Variants in ABCA9 observed in about 807,000 individuals in gnomAD.
ABCA9 encodes the protein ATP binding cassette subfamily A member 9, also known as ATP-binding cassette sub-family A member 9.
ABCA9 carries 183 observed loss-of-function variants against 205.3 expected under a neutral mutation model. That is an observed-to-expected ratio of 0.89 (90% confidence interval 0.79 to 1.01). ABCA9 has a LOEUF of 1.01. Among genes scored for constraint, ABCA9 ranks in the 50% least tolerant of loss-of-function variants. ABCA9 has a pLI of 0.00. For synonymous variants in ABCA9, 651 were observed against 683.3 expected (o/e 0.95, Z 0.74); for missense variants, 1,805 against 1,912.4 (o/e 0.94, Z 1.05).
chr17:68,984,095 A>G lies in ABCA9; in HGVS notation c.4460T>C (p.Val1487Ala), dbSNP rs1598329797. 6.2e-7 allele frequency: 1 copy of G among 1,614,026 alleles called. No individual in the cohort carries two copies. The highest frequency in any genetic ancestry group is 8.5e-7 in the Non-Finnish European group (1 of 1,180,000). ...TTHYMAEAEA[V>A]CDRVAIMVSG... ...CACCATGATGGCCACTCGGTCACAC[A>G]CCGCCTCAGCCTCTGCCATGTAGTG... The change falls in exon 35 of 39, where the codon GTG becomes GCG. Residue 1487 changes from valine to alanine, a missense_variant. By Grantham distance (64) the Val-to-Ala change is moderately conservative. Coordinates refer to ENST00000340001, the MANE Select transcript of ABCA9 (RefSeq NM_080283.4).
At chr17:69,034,227 T>C (rs1422391048) in intron 8 of ABCA9, among the ~76,000 whole-genome samples, 1 of 152,104 alleles carries the variant, frequency 6.6e-6, no homozygotes, top group Non-Finnish European at 1.5e-5. Flanking sequence ...TTTTGTTTAT[T>C]TGTTTGTTTT....
intron 37 of ABCA9, among the ~76,000 whole-genome samples, chr17:68,976,770 A>G (rs1567906804): frequency 1.3e-5 from 2 of 152,210 alleles, no homozygotes. Flanking sequence ...CGTCTCAGGT[A>G]GTTACACTGT....
At chr17:68,989,720 A>G in intron 30 of ABCA9, 93 bp downstream of exon 30, 1 of 782,900 alleles carries the variant, frequency 1.3e-6, no homozygotes, top group Non-Finnish European at 2.1e-6. Context: ...TGCGTTTGTC[A>G]ATAGATGTCC....
rs1337989418 is a variant in ABCA9, at chr17:68,992,222, T to C, written c.3669A>G (p.Leu1223=). Reference sequence around the variant, plus strand: ...TTAGTTTCTTCCTGCAGTTCATTTCTAGGCATCGCAGAATGAAAAGAAAAA... The same window carrying C: ...TTAGTTTCTTCCTGCAGTTCATTTCCAGGCATCGCAGAATGAAAAGAAAAA... The part of the protein sequence containing the change: ...FLIFLFILRC[L]EMNCRKKLMR... The change falls in exon 28 of 39, where the codon CTA becomes CTG. Residue 1223 remains leucine, a synonymous_variant. Coordinates refer to ENST00000340001, the MANE Select transcript of ABCA9 (RefSeq NM_080283.4). The C allele has an allele frequency of 6.2e-6, 10 of 1,602,054 alleles. No individual in the cohort carries two copies. The highest frequency in any genetic ancestry group is 1.3e-5 in the African/African-American group (1 of 74,696).
chr17:69,049,023 C>T (rs2071811968), intron 3 of ABCA9, among the ~76,000 whole-genome samples: 1 of 152,156 alleles, frequency 6.6e-6, no homozygotes, highest in African/African-American at 2.4e-5. Flanking sequence ...AATCTTTTCA[C>T]AAACATACAT....
At chr17:69,068,543 A>T in the ABCA9 span, among the ~76,000 whole-genome samples, 1 of 152,204 alleles carries the variant, frequency 6.6e-6, no homozygotes, top group South Asian at 2.1e-4. Context: ...AACAAAGCTA[A>T]AAGGAGATTG....
At chr17:69,028,252 C>T (rs1022425924) in intron 12 of ABCA9, among the ~76,000 whole-genome samples, 10 of 152,080 alleles carry the variant, frequency 6.6e-5, no homozygotes, top group South Asian at 4.1e-4. Flanking sequence ...CTGCAACCTC[C>T]GCCTCCCAGG....
chr17:69,067,073 T>A, the ABCA9 span, among the ~76,000 whole-genome samples: 1 of 152,160 alleles, frequency 6.6e-6, no homozygotes, highest in East Asian at 1.9e-4. Context: ...AAAGCCGTAC[T>A]TATGGAATAA....
chr17:69,046,526 A>C (rs902515632), intron 3 of ABCA9, among the ~76,000 whole-genome samples: 5 of 152,170 alleles, frequency 3.3e-5, no homozygotes, highest in Admixed American at 2.6e-4. Context: ...TGGGAGTTTC[A>C]AAATGGTGAT....
At chr17:69,075,440 C>A in the ABCA9 span, among the ~76,000 whole-genome samples, 4 of 152,056 alleles carry the variant, frequency 2.6e-5, no homozygotes, top group Admixed American at 1.3e-4. Flanking sequence ...AGGTGGGGGT[C>A]CACTTTGATT....
chr17:68,997,709 T>C (rs1185496470), intron 25 of ABCA9, among the ~76,000 whole-genome samples: 1 of 151,860 alleles, frequency 6.6e-6, no homozygotes, highest in East Asian at 1.9e-4. Context: ...ATATACCCAC[T>C]GCCCTCATAC....
In ABCA9 at chr17:69,035,346, C is replaced by T. The variant is rs535046995; in HGVS notation, c.1028G>A (p.Gly343Glu). The T allele has an allele frequency of 6.8e-6, 11 of 1,610,222 alleles. No homozygotes were observed. The East Asian group carries it at 2.2e-4, about 33-fold the overall frequency. The change falls in exon 8 of 39, where the codon GGG becomes GAG. Residue 343 changes from glycine to glutamate, a missense_variant. By Grantham distance (98) the Gly-to-Glu change is moderately conservative. Transcript: ENST00000340001. ...ATACAATGCTGGGAATCCCAGGATC[C>T]CCCAAAAGACAATAAGGAGAAACAC... ...LVVFLLIVFW[G>E]ILGFPALYTR... is the part of the protein sequence containing the mutation.
intron 11 of ABCA9, 130 bp downstream of exon 11, chr17:69,029,039 G>T: frequency 2.2e-6 from 1 of 462,116 alleles, no homozygotes; most frequent in Non-Finnish European, 3.8e-6. Flanking sequence ...TACATTGAAG[G>T]AAACATAATG....
At chr17:68,981,378 C>A (rs1410714454) in intron 37 of ABCA9, among the ~76,000 whole-genome samples, 1 of 151,890 alleles carries the variant, frequency 6.6e-6, no homozygotes, top group Admixed American at 6.6e-5. Flanking sequence ...TTTTAAAAAG[C>A]CTCTAGGGAG....
intron 22 of ABCA9, among the ~76,000 whole-genome samples, chr17:69,012,605 T>G (rs1410027477): frequency 6.6e-6 from 1 of 152,050 alleles, no homozygotes; most frequent in Non-Finnish European, 1.5e-5. Context: ...TTAAAATTTG[T>G]GGGTACATAG....
At chr17:69,050,371 C>G (rs896133984) in intron 2 of ABCA9, among the ~76,000 whole-genome samples, 3 of 147,734 alleles carry the variant, frequency 2.0e-5, no homozygotes, top group African/African-American at 2.5e-5. Flanking sequence ...CACACACACA[C>G]ACACGTTCAT....
chr17:69,043,840 A>G (rs912431404), intron 5 of ABCA9, 125 bp from the exon 6 acceptor site: 16 of 824,538 alleles, frequency 1.9e-5, no homozygotes, highest in Non-Finnish European at 2.8e-5. Context: ...TATGCCCTTC[A>G]TGATCTGGCC....
At chr17:69,040,556 G>GAGT (rs1266926988) in intron 6 of ABCA9, among the ~76,000 whole-genome samples, 1 of 152,164 alleles carries the variant, frequency 6.6e-6, no homozygotes, top group African/African-American at 2.4e-5. Context: ...ACCTTTCAGG[G>GAGT]AGTAGGGAGC....
chr17:69,055,354 TATTA>T (rs1182237854), intron 1 of ABCA9, among the ~76,000 whole-genome samples: 1 of 152,202 alleles, frequency 6.6e-6, no homozygotes, highest in Non-Finnish European at 1.5e-5. Flanking sequence ...GGAATAACTA[TATTA>T]ATTTCAGATG....
Sources: allele counts gnomAD v4.1 joint callset (sites outside exome capture counted in the v4.1 genomes callset), GRCh38; gene constraint gnomAD v4.1.1; transcripts MANE v1.5; gene names NCBI Gene and HGNC (gene_info 2026-07-23, HGNC 2026-07-21).